Variants in STIM1 observed in about 807,000 individuals in gnomAD.
STIM1 encodes the protein stromal interaction molecule 1.
Under a neutral mutation model 74.7 loss-of-function variants are expected in STIM1, and 25 were observed. The observed-to-expected ratio is 0.33, with a 90% confidence interval of 0.24 to 0.47. The LOEUF is 0.47. Among genes scored for constraint, STIM1 ranks in the 20% least tolerant of loss-of-function variants. STIM1 has a pLI of 1.00. For missense variants in STIM1, 728 were observed against 920.8 expected (o/e 0.79, Z 2.71); for synonymous variants, 328 against 348.8 (o/e 0.94, Z 0.66).
intron 12 of STIM1, among the ~76,000 whole-genome samples, chr11:4,089,945 C>G (rs1418730489): frequency 6.6e-6 from 1 of 152,170 alleles, no homozygotes; most frequent in Non-Finnish European, 1.5e-5. Flanking sequence ...AGAGCACCTC[C>G]ATATCTACCT....
chr11:4,069,923 G>T (rs1565166520), intron 5 of STIM1, 103 bp from the exon 6 acceptor site: 3 of 1,252,224 alleles, frequency 2.4e-6, no homozygotes, highest in Non-Finnish European at 3.5e-6. Flanking sequence ...GTGGGAGAGT[G>T]TGTCTGTTAT....
At chr11:4,055,102 T>C (rs746166157) in intron 3 of STIM1, among the ~76,000 whole-genome samples, 3 of 152,206 alleles carry the variant, frequency 2.0e-5, no homozygotes, top group Non-Finnish European at 4.4e-5. Context: ...GTCACAACAG[T>C]TTAAAAATAT....
rs1590647233 is a variant in STIM1 at position 4,012,719 on chromosome 11, T to C, written c.271-11154T>C. On this transcript the variant is annotated intron_variant, in intron 2 of 12. Coordinates refer to ENST00000526596, the MANE Select transcript of STIM1 (RefSeq NM_001382567.1). ...TTCCTAATTGAATACCCTTTATTTC[T>C]TTCTCTTGCCTGATTGCCCTGGCCA... Among the ~76,000 whole-genome samples the C allele has an allele frequency of 5.9e-5, 9 of 152,328 alleles. No individual in the cohort carries two copies. The South Asian group carries it at 1.9e-3, about 32-fold the overall frequency.
At chr11:4,073,892 C>G (rs1168498564) in intron 6 of STIM1, among the ~76,000 whole-genome samples, 1 of 135,928 alleles carries the variant, frequency 7.4e-6, no homozygotes, top group Non-Finnish European at 1.6e-5. Flanking sequence ...GCTCAGGAGT[C>G]CAAGAGGACT....
chr11:3,894,512 C>T lies in STIM1; in HGVS notation c.139+38103C>T, dbSNP rs140669910. Among the ~76,000 whole-genome samples the T allele has an allele frequency of 6.0e-3, 919 of 152,262 alleles. 8 individuals are homozygous for T. Among genetic ancestry groups the T allele is most frequent in the African/African-American group, 0.02 (840 of 41,534 alleles). On this transcript the variant is annotated intron_variant, in intron 1 of 12. Transcript: ENST00000526596. The stretch of plus-strand genomic sequence containing the variant: ...GACCTTGGGAGCATCTAAGACTAGA[C>T]GCTCTTAGCAGAGCATGGGTCCCTT...
At chr11:4,054,482 G>A (rs1409668333) in intron 3 of STIM1, among the ~76,000 whole-genome samples, 2 of 152,202 alleles carry the variant, frequency 1.3e-5, no homozygotes, top group African/African-American at 4.8e-5. Context: ...TGGTGGGTGA[G>A]GGAGTATTAC....
At chr11:4,088,062 G>A (rs922217407) in intron 12 of STIM1, among the ~76,000 whole-genome samples, 19 of 152,034 alleles carry the variant, frequency 1.2e-4, no homozygotes, top group African/African-American at 2.9e-4. Context: ...AGAATACTCC[G>A]TTGGATATTT....
intron 1 of STIM1, among the ~76,000 whole-genome samples, chr11:3,908,016 A>G (rs910747889): frequency 2.6e-5 from 4 of 151,836 alleles, no homozygotes; most frequent in Non-Finnish European, 5.9e-5. Context: ...CCCTTTCTCT[A>G]TTTTTCATTA....
At chr11:4,039,029 G>A (rs1420413412) in intron 3 of STIM1, among the ~76,000 whole-genome samples, 5 of 152,222 alleles carry the variant, frequency 3.3e-5, no homozygotes, top group African/African-American at 4.8e-5. Context: ...CCTATTGGTC[G>A]GATAACCCTT....
intron 1 of STIM1, among the ~76,000 whole-genome samples, chr11:3,945,314 C>T (rs1011834075): frequency 3.3e-5 from 5 of 152,010 alleles, no homozygotes; most frequent in African/African-American, 9.7e-5. Flanking sequence ...TGGTGGCTCA[C>T]GCCTGTAATC....
chr11:3,899,096 T>C (rs1344144474), intron 1 of STIM1, among the ~76,000 whole-genome samples: 1 of 152,228 alleles, frequency 6.6e-6, no homozygotes, highest in Admixed American at 6.5e-5. Context: ...AATCTATAAA[T>C]TACCTTGGGC....
chr11:3,890,936 A>G (rs2091875619), intron 1 of STIM1, among the ~76,000 whole-genome samples: 1 of 152,120 alleles, frequency 6.6e-6, no homozygotes, highest in Non-Finnish European at 1.5e-5. Context: ...TGAGCTCTAA[A>G]CTTGTAAAAG....
At chr11:4,018,446 G>A (rs1482864800) in intron 2 of STIM1, among the ~76,000 whole-genome samples, 2 of 94,138 alleles carry the variant, frequency 2.1e-5, no homozygotes, top group Admixed American at 1.7e-4. Context: ...GCGACAGAGC[G>A]AGACTCCGTC....
chr11:3,958,496 G>A (rs2093245064), intron 1 of STIM1, among the ~76,000 whole-genome samples: 1 of 152,164 alleles, frequency 6.6e-6, no homozygotes, highest in South Asian at 2.1e-4. Flanking sequence ...TGGATATGAG[G>A]ACGAGTGGTT....
rs189734278 is a variant in STIM1 at position 3,867,808 on chromosome 11, G to A, written c.139+11399G>A. Among the ~76,000 whole-genome samples, 555 of 152,210 alleles carry A rather than the reference G, an allele frequency of 3.6e-3. 3 individuals carry two copies. Among genetic ancestry groups the A allele is most frequent in the African/African-American group, 0.012 (502 of 41,522 alleles). On this transcript the variant is annotated intron_variant, in intron 1 of 12. Coordinates refer to ENST00000526596, the MANE Select transcript of STIM1 (RefSeq NM_001382567.1). Reference sequence around the variant, plus strand: ...ACAGAGCCCCTGGCTGCCTTGTGTTGATCTCTGGCCTAGGTAATGACCAGA... The same window carrying A: ...ACAGAGCCCCTGGCTGCCTTGTGTTAATCTCTGGCCTAGGTAATGACCAGA...
intron 1 of STIM1, among the ~76,000 whole-genome samples, chr11:3,902,529 A>G (rs987440526): frequency 1.3e-5 from 2 of 152,224 alleles, no homozygotes; most frequent in African/African-American, 2.4e-5. Flanking sequence ...GATTCCTCGC[A>G]TGTGCAGTTC....
chr11:3,860,594 T>G (rs556829247), intron 1 of STIM1, among the ~76,000 whole-genome samples: 1 of 152,298 alleles, frequency 6.6e-6, no homozygotes, highest in African/African-American at 2.4e-5. Flanking sequence ...TCTTTGTAAT[T>G]TTTCTCAGAT....
chr11:3,881,855 T>G (rs534908394), intron 1 of STIM1, among the ~76,000 whole-genome samples: 59 of 151,572 alleles, frequency 3.9e-4, no homozygotes, highest in Non-Finnish European at 7.4e-5. Context: ...GTATTTTTAC[T>G]AGAGACGGGG....
intron 1 of STIM1, among the ~76,000 whole-genome samples, chr11:3,886,157 G>T (rs113394690): frequency 0.077 from 11,690 of 152,170 alleles, 626 homozygotes; most frequent in Middle Eastern, 0.14. Flanking sequence ...CACATTATAG[G>T]CCAAATATAG....
Sources: allele counts gnomAD v4.1 joint callset (sites outside exome capture counted in the v4.1 genomes callset), GRCh38; gene constraint gnomAD v4.1.1; transcripts MANE v1.5; gene names NCBI Gene and HGNC (gene_info 2026-07-23, HGNC 2026-07-21).